Variants in RAB3GAP1 observed in about 807,000 individuals in gnomAD.
The protein encoded by RAB3GAP1 is RAB3 GTPase activating protein catalytic subunit 1, also known as rab3 GTPase-activating protein catalytic subunit.
A neutral mutation model predicts 130.7 loss-of-function variants in RAB3GAP1; 86 were observed. The ratio of observed to expected loss-of-function variants is 0.66; its 90% CI spans 0.55 to 0.79. The LOEUF (loss-of-function observed/expected upper bound fraction) is 0.79, where lower values mean the gene tolerates loss of function less well. Ranked by LOEUF, RAB3GAP1 falls within the 30% of genes least tolerant of loss-of-function variation. The pLI, the probability that RAB3GAP1 is intolerant of heterozygous loss-of-function variation, is 0.00. For synonymous variants in RAB3GAP1, 367 were observed against 401.7 expected, an observed-to-expected ratio of 0.91 and a Z score of 1.03; for missense variants, 1,029 against 1,169.4, an observed-to-expected ratio of 0.88 and a Z score of 1.75.
At chr2:135,123,011 G>A (rs1691246492) in intron 8 of RAB3GAP1, among the ~76,000 whole-genome samples, 1 of 152,128 alleles carries the variant, frequency 6.6e-6, no homozygotes, top group Non-Finnish European at 1.5e-5. Flanking sequence ...TTACAGGTTT[G>A]AGCCACCGTG....
chr2:135,075,704 TG>T (rs1258724173), intron 3 of RAB3GAP1, among the ~76,000 whole-genome samples: 1 of 150,410 alleles, frequency 6.6e-6, no homozygotes, highest in African/African-American at 2.4e-5. Flanking sequence ...TTCCTTCATA[TG>T]GGGGTTTTCC....
At chr2:135,174,411 C>T (rs186015259), downstream of RAB3GAP1, among the ~76,000 whole-genome samples, 24 of 152,348 alleles carry the variant, frequency 1.6e-4, no homozygotes, top group African/African-American at 5.1e-4. Flanking sequence ...AGGCAGTCTC[C>T]GTCCCTCACT....
chr2:135,115,458 T>G, intron 7 of RAB3GAP1, 77 bp downstream of exon 7: 1 of 1,393,638 alleles, frequency 7.2e-7, no homozygotes, highest in Non-Finnish European at 1.0e-6. Context: ...ATTCAGCATA[T>G]AGAAACATTT....
Position 135,115,303 on chromosome 2 carries a change from C to G in RAB3GAP1, c.570C>G (p.Phe190Leu). 2.5e-6 allele frequency: 4 copies of G among 1,613,452 alleles called. No homozygotes were observed. The African/African-American group carries it at 4.0e-5, about 16-fold the overall frequency. The change falls in exon 7 of 24, where the codon TTC (phenylalanine) becomes TTG (leucine). Residue 190 changes from phenylalanine (F) to leucine (L), a missense_variant. Phe to Leu is a conservative substitution (Grantham distance 22). Around this residue, in one of 3 missense-constraint regions of RAB3GAP1, gnomAD observed 510 missense variants for 532.1 expected, o/e 0.96. Coordinates refer to ENST00000264158, the MANE Select transcript of RAB3GAP1 (RefSeq NM_012233.3). ...ECQGPGVRTD[F>L]EMVHLRKVPN... ...AAGGTCCTGGTGTACGAACTGATTTCGAAATGGTTCATCTTAGAAAAGTGC... is the reference window on the plus strand; with the variant it reads ...AAGGTCCTGGTGTACGAACTGATTTGGAAATGGTTCATCTTAGAAAAGTGC...
At position 135,133,943 on chromosome 2, in the gene RAB3GAP1, A is replaced by T; in HGVS notation, c.1409A>T (p.Tyr470Phe). ...LALCLCMINF[Y>F]HGGLKGVAHL... ...TTGTGTCTCTGTATGATCAATTTTT[A>T]CCATGGAGGGTTGAAAGGAGTGGCA... Residue 470 changes from tyrosine to phenylalanine, a missense_variant, in exon 15 of 24, where the codon TAC becomes TTC. Tyr to Phe is a conservative substitution (Grantham distance 22). Transcript: ENST00000264158. 6.2e-7 allele frequency: 1 copy of T among 1,613,908 alleles called. No homozygotes were observed.
At chr2:135,099,747 G>A (rs1690401476) in intron 5 of RAB3GAP1, among the ~76,000 whole-genome samples, 1 of 151,804 alleles carries the variant, frequency 6.6e-6, no homozygotes, top group Admixed American at 6.6e-5. Flanking sequence ...TCCTTCTAGG[G>A]TCCAGGATGT....
Position 135,126,205 on chromosome 2 carries a change from G to A in RAB3GAP1, c.855G>A (p.Trp285Ter). Reference sequence around the variant, plus strand: ...GTGAACTCCATTTAGCTACTACATGGCCTCATCTGACCGAAGGGATCATTG... The same window carrying A: ...GTGAACTCCATTTAGCTACTACATGACCTCATCTGACCGAAGGGATCATTG... Reference protein sequence around the residue: ...PISELHLATTWPHLTEGIIVD... With the variant: ...PISELHLATT Residue 285 changes from tryptophan (W) to a stop codon, truncating the protein, a stop_gained, in exon 10 of 24, where the codon TGG (tryptophan) becomes TGA (stop). Coordinates refer to ENST00000264158, the MANE Select transcript of RAB3GAP1 (RefSeq NM_012233.3). LOFTEE classifies it high-confidence loss of function. The A allele has an allele frequency of 6.2e-7, 1 of 1,612,972 alleles. No individual in the cohort carries two copies. The highest frequency in any genetic ancestry group is 8.5e-7 in the Non-Finnish European group (1 of 1,179,220).
chr2:135,148,372 C>G (rs1692063590), intron 17 of RAB3GAP1, among the ~76,000 whole-genome samples: 1 of 152,040 alleles, frequency 6.6e-6, no homozygotes, highest in African/African-American at 2.4e-5. Context: ...TTTATGTAGA[C>G]TTAGGTCACA....
intron 7 of RAB3GAP1, among the ~76,000 whole-genome samples, chr2:135,117,423 TCTTC>T (rs1175809996): frequency 1.8e-5 from 2 of 112,708 alleles, no homozygotes; most frequent in Non-Finnish European, 1.9e-5. Context: ...TTCTTCTTCT[TCTTC>T]TTCTTCTTCT....
At chr2:135,157,224 G>A (rs1692336327) in intron 19 of RAB3GAP1, among the ~76,000 whole-genome samples, 1 of 152,042 alleles carries the variant, frequency 6.6e-6, no homozygotes, top group Admixed American at 6.6e-5. Flanking sequence ...TCACTGTGTT[G>A]CTCAGGCTGA....
intron 3 of RAB3GAP1, among the ~76,000 whole-genome samples, chr2:135,077,404 T>C (rs1689662349): frequency 6.6e-6 from 1 of 151,748 alleles, no homozygotes; most frequent in South Asian, 2.1e-4. Context: ...TCAGTTCCTT[T>C]GTGTAGGCTG....
intron 5 of RAB3GAP1, among the ~76,000 whole-genome samples, chr2:135,106,336 G>A (rs1473365423): frequency 1.3e-5 from 2 of 152,258 alleles, no homozygotes; most frequent in Admixed American, 6.5e-5. Context: ...GTGGGGAAAC[G>A]ATAGAGAAAT....
chr2:135,126,837 C>G (rs142715766), intron 11 of RAB3GAP1, among the ~76,000 whole-genome samples, 181 bp downstream of exon 11: 1 of 152,180 alleles, frequency 6.6e-6, no homozygotes, highest in East Asian at 1.9e-4. Flanking sequence ...CCATTATTTT[C>G]TCATTATCTC....
intron 17 of RAB3GAP1, among the ~76,000 whole-genome samples, chr2:135,148,928 C>T (rs949446605): frequency 6.6e-6 from 1 of 152,060 alleles, no homozygotes; most frequent in African/African-American, 2.4e-5. Context: ...ATCTCTGCAC[C>T]TCATTTTCAT....
chr2:135,117,700 C>T (rs1218023736), intron 7 of RAB3GAP1, among the ~76,000 whole-genome samples: 6 of 150,842 alleles, frequency 4.0e-5, no homozygotes, highest in Non-Finnish European at 5.9e-5. Context: ...TCTTCTGCTT[C>T]TTCTGCTTCT....
Position 135,055,202 on chromosome 2 carries a change from T to C in RAB3GAP1, c.74+2717T>C, listed in dbSNP as rs56728846. Among the ~76,000 whole-genome samples the C allele has an allele frequency of 9.6e-3, 1,455 of 152,252 alleles. 23 individuals are homozygous for C. Among genetic ancestry groups the C allele is most frequent in the African/African-American group, 0.033 (1,390 of 41,528 alleles). ...AGAAAGGGAAAGAAACCTGGTCTTATAAGAGCCTATAACAGAGGGACCTAA... is the reference window on the plus strand; with the variant it reads ...AGAAAGGGAAAGAAACCTGGTCTTACAAGAGCCTATAACAGAGGGACCTAA... On this transcript the variant is annotated intron_variant, in intron 2 of 23. Coordinates refer to ENST00000264158, the MANE Select transcript of RAB3GAP1 (RefSeq NM_012233.3).
At position 135,152,337 on chromosome 2, in the gene RAB3GAP1, C is replaced by T. The variant is rs7577511; in HGVS notation, c.2062-1312C>T. ...GAAGATAAGCTCAAGTGAACCTTGG[C>T]CTTCTCTTGGTAGCTATGTTCAGCC... On this transcript the variant is annotated intron_variant, in intron 18 of 23. Coordinates refer to ENST00000264158, the MANE Select transcript of RAB3GAP1 (RefSeq NM_012233.3). Among the ~76,000 whole-genome samples, 1,494 of 152,290 alleles carry T rather than the reference C, an allele frequency of 9.8e-3. 24 individuals carry two copies. The highest frequency in any genetic ancestry group is 0.034 in the African/African-American group (1,425 of 41,548).
intron 8 of RAB3GAP1, among the ~76,000 whole-genome samples, chr2:135,122,410 T>C (rs1691231867): frequency 6.6e-6 from 1 of 152,190 alleles, no homozygotes; most frequent in African/African-American, 2.4e-5. Context: ...ATAAAGCAGT[T>C]TTAAAGATTT....
chr2:135,119,749 C>CA (rs756128131), intron 7 of RAB3GAP1, among the ~76,000 whole-genome samples: 46 of 152,300 alleles, frequency 3.0e-4, no homozygotes, highest in Non-Finnish European at 4.3e-4. Flanking sequence ...CTTTGCTACT[C>CA]AAAGTGTAGT....
Sources: allele counts gnomAD v4.1 joint callset (sites outside exome capture counted in the v4.1 genomes callset), GRCh38; gene constraint gnomAD v4.1.1; regional missense constraint gnomAD v4.1.1; transcripts MANE v1.5; gene names NCBI Gene and HGNC (gene_info 2026-07-23, HGNC 2026-07-21).